Variants in MELTF observed in about 807,000 individuals in gnomAD.
MELTF encodes the protein antigen p97 (melanoma associated) identified by monoclonal antibodies 133.2 and 96.5.
A neutral mutation model predicts 83.7 loss-of-function variants in MELTF; 67 were observed. That is an observed-to-expected ratio of 0.80 (90% CI 0.66 to 0.98). The LOEUF (loss-of-function observed/expected upper bound fraction) is 0.98. Among genes scored for constraint, MELTF ranks in the 50% least tolerant of loss-of-function variants. The pLI, the probability that MELTF is intolerant of heterozygous loss-of-function variation, is 0.00. For synonymous variants in MELTF, 462 were observed against 447.6 expected, an observed-to-expected ratio of 1.03 and a Z score of -0.41; for missense variants, 1,002 against 1,035.6, an observed-to-expected ratio of 0.97 and a Z score of 0.44.
chr3:197,016,342 AG>A lies in MELTF; in HGVS notation c.927del (p.Phe310SerfsTer43). 6.2e-7 allele frequency: 1 copy of A among 1,604,414 alleles called. No individual in the cohort carries two copies. The highest frequency in any genetic ancestry group is 1.1e-5 in the South Asian group (1 of 89,258). On this transcript the variant is annotated frameshift_variant, in exon 8 of 16. Coordinates refer to ENST00000296350, the MANE Select transcript of MELTF (RefSeq NM_005929.6). LOFTEE classifies it high-confidence loss of function. ...TAGGCCTCAGAGCTGAACATCTGGA[AG>A]CTGCTGCCCTCGTGGCTGAACAGAC... ...GQRLFSHEGS[S>X]FQMFSSEAYG... is the part of the protein sequence containing the mutation.
chr3:197,021,335 G>A, intron 6 of MELTF, 69 bp downstream of exon 6: 2 of 1,501,544 alleles, frequency 1.3e-6, no homozygotes, highest in Non-Finnish European at 1.8e-6. Context: ...CTGCCATCTA[G>A]GGTCCCTGCC....
chr3:197,009,270 G>C (rs988686021), intron 11 of MELTF, among the ~76,000 whole-genome samples: 2 of 152,186 alleles, frequency 1.3e-5, no homozygotes, highest in African/African-American at 2.4e-5. Context: ...GTGTCCAGCT[G>C]TCTGGGAGTG....
intron 8 of MELTF, 78 bp downstream of exon 8, chr3:197,016,111 C>T: frequency 7.6e-7 from 1 of 1,313,412 alleles, no homozygotes; most frequent in Non-Finnish European, 1.0e-6. Context: ...CTTCCCCCGG[C>T]CACTTTCCCA....
At position 197,003,865 on chromosome 3, in the gene MELTF, A is replaced by G. The variant is rs758007124; in HGVS notation, c.2137+36T>C. 1 of 1,604,084 alleles carries G rather than the reference A, an allele frequency of 6.2e-7. No homozygotes were observed. The highest frequency in any genetic ancestry group is 1.1e-5 in the South Asian group (1 of 90,576). On this transcript the variant is annotated intron_variant, in intron 15 of 15. Transcript: ENST00000296350. The surrounding 1 kb of genome is among the most constrained non-coding windows in gnomAD (Gnocchi z 6.2). ...GGTTCTGGGGTGAAGGGGTCTGAATAGCACCAGGGGAGGCGGCAGGGCGGG... is the reference window on the plus strand; with the variant it reads ...GGTTCTGGGGTGAAGGGGTCTGAATGGCACCAGGGGAGGCGGCAGGGCGGG...
chr3:197,010,139 C>T (rs1719135976), intron 10 of MELTF, among the ~76,000 whole-genome samples: 1 of 152,234 alleles, frequency 6.6e-6, no homozygotes, highest in South Asian at 2.1e-4. Flanking sequence ...GGAGGCGCAG[C>T]TGAGGCTGCA....
At position 197,027,846 on chromosome 3, in the gene MELTF, G is replaced by A. The variant is rs146637551; in HGVS notation, c.114C>T (p.Asn38=). The A allele has an allele frequency of 3.4e-4, 555 of 1,611,356 alleles. No individual in the cohort carries two copies. Among genetic ancestry groups the A allele is most frequent in the Non-Finnish European group, 4.3e-4 (502 of 1,179,292 alleles). The change falls in exon 2 of 16, where the codon AAC becomes AAT. Residue 38 remains asparagine, a synonymous_variant. Coordinates refer to ENST00000296350, the MANE Select transcript of MELTF (RefSeq NM_005929.6). ...TSDPEQHKCG[N]MSEAFREAGI... ...CCGCTTCCCGGAAGGCCTCGCTCAT[G>A]TTGCCGCACTTGTGCTGCTCTGGGT...
intron 2 of MELTF, chr3:197,027,157 C>T (rs1279655120): frequency 8.8e-6 from 2 of 226,964 alleles, no homozygotes; most frequent in African/African-American, 4.5e-5. Flanking sequence ...TCTGCCCTCA[C>T]ATGGAGCCTG....
Position 197,009,774 on chromosome 3 carries a change from C to T in MELTF, c.1369G>A (p.Val457Met). The T allele has an allele frequency of 6.2e-7, 1 of 1,613,276 alleles. No homozygotes were observed. The highest frequency in any genetic ancestry group is 1.1e-5 in the South Asian group (1 of 91,082). Residue 457 changes from valine to methionine, a missense_variant, in exon 11 of 16, where the codon GTG becomes ATG. Transcript: ENST00000296350. ...AAGGCGTGGGAGCTGTCCCGTCTCACCACGGCCACCACGTAGTACGAGTTG... is the reference window on the plus strand; with the variant it reads ...AAGGCGTGGGAGCTGTCCCGTCTCATCACGGCCACCACGTAGTACGAGTTG... Reference protein sequence around the residue: ...SSNSYYVVAVVRRDSSHAFTL... With the variant: ...SSNSYYVVAVMRRDSSHAFTL...
At position 197,027,923 on chromosome 3, in the gene MELTF, G is replaced by A. The variant is rs1341941920; in HGVS notation, c.50-13C>T. On this transcript the variant is annotated splice_polypyrimidine_tract_variant and intron_variant, in intron 1 of 15. Transcript: ENST00000296350. ...ATGCCACCGAGCACTGCGGGCAGGG[G>A]ACCGTGAGGCCCGGCTCCCCCGCCC... 2 of 1,563,046 alleles carry A rather than the reference G, an allele frequency of 1.3e-6. No individual in the cohort carries two copies. Among genetic ancestry groups the A allele is most frequent in the African/African-American group, 1.3e-5 (1 of 74,182 alleles).
In MELTF at chr3:197,022,233, A is replaced by G. The variant is rs533520963; in HGVS notation, c.644+724T>C. Among the ~76,000 whole-genome samples, 1 of 152,294 alleles carries G rather than the reference A, an allele frequency of 6.6e-6. No homozygotes were observed. The highest frequency in any genetic ancestry group is 6.5e-5 in the Admixed American group (1 of 15,310). On this transcript the variant is annotated intron_variant, in intron 5 of 15. Transcript: ENST00000296350. The surrounding 1 kb of genome is among the most constrained non-coding windows in gnomAD (Gnocchi z 5.1). ...GCAGAAAATGCACAGGGATTAGAGC[A>G]GATCGGGGCGGGCGACATCAGGAGA...
In MELTF at chr3:197,024,193, TGAAG is replaced by T; in HGVS notation, c.487+106_487+109del. 1 of 1,237,750 alleles carries T rather than the reference TGAAG, an allele frequency of 8.1e-7. No homozygotes were observed. Among genetic ancestry groups the T allele is most frequent in the Non-Finnish European group, 1.1e-6 (1 of 893,858 alleles). The allele number at this position is 1,237,750 out of a possible 1,614,324, so 76.7% of individuals were successfully genotyped here. A position where few individuals can be genotyped will look rare whatever the true frequency, so the allele number is the denominator to read the frequency against. On this transcript the variant is annotated intron_variant, in intron 4 of 15. Transcript: ENST00000296350. This position sits in a 1 kb window ranked among gnomAD's most constrained non-coding sequence, Gnocchi z 5.3. ...CGGGGGCTGCTGCGCCTTCCAGGAATGAAGAATGGTGGCGAGGCCGGAGGGAGGC... is the reference window on the plus strand; with the variant it reads ...CGGGGGCTGCTGCGCCTTCCAGGAATAATGGTGGCGAGGCCGGAGGGAGGC...
At chr3:197,027,037 T>C (rs2148594525) in intron 2 of MELTF, 2 of 428,118 alleles carry the variant, frequency 4.7e-6, no homozygotes, top group South Asian at 5.6e-5. Context: ...CAGAAAACGG[T>C]GCGCAGTGAC....
intron 8 of MELTF, 53 bp from the exon 9 acceptor site, chr3:197,015,569 G>GC (rs1577934986): frequency 6.4e-7 from 1 of 1,554,124 alleles, no homozygotes; most frequent in East Asian, 2.3e-5. Context: ...CCATGGAAGA[G>GC]CATGGAGTCG....
rs148328143 is a variant in MELTF at position 197,024,465 on chromosome 3, C to T, written c.325G>A (p.Ala109Thr). 71 of 1,593,588 alleles carry T rather than the reference C, an allele frequency of 4.5e-5. No homozygotes were observed. Among genetic ancestry groups the T allele is most frequent in the African/African-American group, 1.7e-4 (13 of 74,542 alleles). ...YDQEVGTSYY[A>T]VAVVRRSSHV... is the part of the protein sequence containing the mutation. ...GAGCTCCTCCTGACCACAGCCACGG[C>T]GTAATAGGAGGTACCGACCTCTAGG... The change falls in exon 4 of 16, where the codon GCC becomes ACC. Residue 109 changes from alanine to threonine, a missense_variant. Coordinates refer to ENST00000296350, the MANE Select transcript of MELTF (RefSeq NM_005929.6). This position sits in a 1 kb window ranked among gnomAD's most constrained non-coding sequence, Gnocchi z 5.3.
intron 9 of MELTF, among the ~76,000 whole-genome samples, chr3:197,014,990 A>G (rs1719308805): frequency 6.6e-6 from 1 of 152,200 alleles, no homozygotes; most frequent in Admixed American, 6.5e-5. Flanking sequence ...CTATTGCACA[A>G]GGGAAGGCTG....
chr3:197,025,341 T>C (rs1202299495), intron 3 of MELTF, among the ~76,000 whole-genome samples: 1 of 152,238 alleles, frequency 6.6e-6, no homozygotes, highest in Non-Finnish European at 1.5e-5. Context: ...AGTAGCTCCG[T>C]CTGGTACCAT....
At position 197,010,668 on chromosome 3, in the gene MELTF, C is replaced by A; in HGVS notation, c.1330+30G>T. On this transcript the variant is annotated intron_variant, in intron 10 of 15. Coordinates refer to ENST00000296350, the MANE Select transcript of MELTF (RefSeq NM_005929.6). ...TTATAAAAATATCCCCACCTCCCGG[C>A]TGAGGCCAGGCGGCAGGCCCTGCAC... 1.9e-6 allele frequency: 3 copies of A among 1,583,026 alleles called. No homozygotes were observed. In the South Asian group the frequency reaches 3.3e-5, roughly 17 times the overall value.
chr3:197,024,466 G>C lies in MELTF; in HGVS notation c.324C>G (p.Tyr108Ter). 1 of 1,591,724 alleles carries C rather than the reference G, an allele frequency of 6.3e-7. No individual in the cohort carries two copies. The highest frequency in any genetic ancestry group is 8.6e-7 in the Non-Finnish European group (1 of 1,164,630). The part of the protein sequence containing the change: ...VYDQEVGTSY[Y>*]AVAVVRRSSH... ...AGCTCCTCCTGACCACAGCCACGGC[G>C]TAATAGGAGGTACCGACCTCTAGGA... Residue 108 changes from tyrosine (Y) to a stop codon, truncating the protein, a stop_gained, in exon 4 of 16, where the codon TAC becomes TAG. Coordinates refer to ENST00000296350, the MANE Select transcript of MELTF (RefSeq NM_005929.6). LOFTEE classifies it high-confidence loss of function. This position sits in a 1 kb window ranked among gnomAD's most constrained non-coding sequence, Gnocchi z 5.3.
Position 197,003,995 on chromosome 3 carries a change from C to A in MELTF, c.2043G>T (p.Val681=). ...GGTAGGTGGTTTTCTCTCCGACAGG[C>A]ACCGCCCGGACGGTGGCATCCTTGA... is the stretch of plus-strand genomic sequence containing the variant. ...LLFKDATVRA[V]PVGEKTTYRG... is the part of the protein sequence containing the mutation. The change falls in exon 15 of 16, where the codon GTG becomes GTT. Residue 681 remains valine (V), a synonymous_variant. Coordinates refer to ENST00000296350, the MANE Select transcript of MELTF (RefSeq NM_005929.6). This position sits in a 1 kb window ranked among gnomAD's most constrained non-coding sequence, Gnocchi z 6.2. 1 of 1,614,214 alleles carries A rather than the reference C, an allele frequency of 6.2e-7. No individual in the cohort carries two copies. Among genetic ancestry groups the A allele is most frequent in the East Asian group, 2.2e-5 (1 of 44,890 alleles).
Sources: allele counts gnomAD v4.1 joint callset (sites outside exome capture counted in the v4.1 genomes callset), GRCh38; gene constraint gnomAD v4.1.1; non-coding constraint Gnocchi (gnomAD v3.1); transcripts MANE v1.5; gene names NCBI Gene and HGNC (gene_info 2026-07-23, HGNC 2026-07-21).